RALGAPA1: variants seen among roughly 807,000 people sequenced by gnomAD.
The protein encoded by RALGAPA1 is Ral GTPase activating protein catalytic subunit alpha 1.
In RALGAPA1, 52 loss-of-function variants were observed where a neutral mutation model predicts 269.6. The ratio of observed to expected loss-of-function variants is 0.19; its 90% CI spans 0.15 to 0.24. RALGAPA1 has a LOEUF of 0.24. Among genes scored for constraint, RALGAPA1 ranks in the 10% least tolerant of loss-of-function variants. The pLI, the probability that RALGAPA1 is intolerant of heterozygous loss-of-function variation, is 1.00. For synonymous variants in RALGAPA1, 817 were observed against 1,008.3 expected, an observed-to-expected ratio of 0.81 and a Z score of 3.60; for missense variants, 1,917 against 3,013.9, an observed-to-expected ratio of 0.64 and a Z score of 8.52.
intron 35 of RALGAPA1, among the ~76,000 whole-genome samples, chr14:35,617,553 G>A (rs1170809403): frequency 6.7e-6 from 1 of 148,768 alleles, no homozygotes; most frequent in African/African-American, 2.5e-5. Flanking sequence ...CGAAGGCGGA[G>A]GTTGCAGTGA....
intron 16 of RALGAPA1, among the ~76,000 whole-genome samples, chr14:35,718,618 C>T (rs2069071420): frequency 6.6e-6 from 1 of 151,998 alleles, no homozygotes; most frequent in African/African-American, 2.4e-5. Flanking sequence ...GAGTTCGACA[C>T]CAGCCTGGCC....
intron 26 of RALGAPA1, among the ~76,000 whole-genome samples, chr14:35,667,577 G>T (rs2064050175): frequency 6.6e-6 from 1 of 152,032 alleles, no homozygotes; most frequent in Non-Finnish European, 1.5e-5. Flanking sequence ...GTAGGTCCAG[G>T]ATGGGGTCTG....
At chr14:35,760,151 G>A (rs960132018) in intron 6 of RALGAPA1, among the ~76,000 whole-genome samples, 1 of 152,118 alleles carries the variant, frequency 6.6e-6, no homozygotes, top group African/African-American at 2.4e-5. Context: ...GATACAAGGT[G>A]ATATGTAATA....
At chr14:35,745,051 T>C (rs1169550506) in intron 10 of RALGAPA1, among the ~76,000 whole-genome samples, 2 of 152,226 alleles carry the variant, frequency 1.3e-5, no homozygotes, top group East Asian at 1.9e-4. Flanking sequence ...GAGACCTATG[T>C]CCTTGCAGGT....
At chr14:35,758,094 A>G (rs1328410451) in intron 6 of RALGAPA1, among the ~76,000 whole-genome samples, 1 of 152,050 alleles carries the variant, frequency 6.6e-6, no homozygotes, top group African/African-American at 2.4e-5. Flanking sequence ...TACTAAAAAT[A>G]CAAAAAATTT....
At chr14:35,605,076 G>A (rs541091139) in intron 36 of RALGAPA1, among the ~76,000 whole-genome samples, 3 of 152,212 alleles carry the variant, frequency 2.0e-5, no homozygotes, top group Non-Finnish European at 4.4e-5. Context: ...CACTAGAACT[G>A]TCTATTTTGT....
intron 16 of RALGAPA1, among the ~76,000 whole-genome samples, chr14:35,705,434 T>C (rs1267694836): frequency 2.6e-5 from 4 of 152,154 alleles, no homozygotes; most frequent in Non-Finnish European, 4.4e-5. Context: ...TCATACAGTA[T>C]GTAGCCTTTT....
Position 35,627,269 on chromosome 14 carries a change from A to T in RALGAPA1, c.6678T>A (p.Asp2226Glu). ...PVCISEKQEN[D>E]VINAILKQHT... The stretch of plus-strand genomic sequence containing the variant: ...GTTGCTTAAGGATAGCATTAATAAC[A>T]TCATTTTCTTGTTTTTCAGAAATGC... Residue 2226 changes from aspartate (D) to glutamate (E), a missense_variant, in exon 34 of 42, where the codon GAT (aspartate) becomes GAA (glutamate). Asp to Glu is a conservative substitution (Grantham distance 45, BLOSUM62 2). Coordinates refer to ENST00000680220, the MANE Select transcript of RALGAPA1 (RefSeq NM_001346249.2). 2 of 1,609,458 alleles carry T rather than the reference A, an allele frequency of 1.2e-6. No individual in the cohort carries two copies. The highest frequency in any genetic ancestry group is 1.7e-6 in the Non-Finnish European group (2 of 1,178,962).
chr14:35,540,076 C>T (rs1021034317), intron 41 of RALGAPA1, among the ~76,000 whole-genome samples: 1 of 152,006 alleles, frequency 6.6e-6, no homozygotes, highest in Non-Finnish European at 1.5e-5. Context: ...AAGAAAAGAG[C>T]CTTCACTACT....
intron 8 of RALGAPA1, 49 bp downstream of exon 8, chr14:35,751,975 T>C (rs745928164): frequency 5.2e-6 from 8 of 1,542,530 alleles, no homozygotes; most frequent in Non-Finnish European, 1.7e-6. Context: ...AGTAAGAGAT[T>C]ATTTTACTCT....
chr14:35,642,740 G>A (rs894606754), intron 31 of RALGAPA1, among the ~76,000 whole-genome samples: 4 of 152,154 alleles, frequency 2.6e-5, no homozygotes, highest in Non-Finnish European at 4.4e-5. Context: ...TGGTTGGAGT[G>A]TAAACTAGTT....
At chr14:35,564,896 A>C (rs1161270433) in intron 39 of RALGAPA1, among the ~76,000 whole-genome samples, 1 of 152,080 alleles carries the variant, frequency 6.6e-6, no homozygotes, top group Non-Finnish European at 1.5e-5. Flanking sequence ...CTCCAAAGTA[A>C]TTTCTTCACC....
chr14:35,788,809 C>G (rs2075971487), intron 1 of RALGAPA1, among the ~76,000 whole-genome samples: 1 of 152,140 alleles, frequency 6.6e-6, no homozygotes, highest in South Asian at 2.1e-4. Flanking sequence ...AACCAAATTT[C>G]TTTGCACCAA....
At chr14:35,677,150 C>T (rs1199260678) in intron 22 of RALGAPA1, 2 of 152,250 alleles carry the variant, frequency 1.3e-5, no homozygotes, top group Non-Finnish European at 2.9e-5. Context: ...GCCTGGGCAA[C>T]ATGGTGAAAC....
chr14:35,711,936 T>C (rs2068382245), intron 16 of RALGAPA1, among the ~76,000 whole-genome samples: 1 of 152,168 alleles, frequency 6.6e-6, no homozygotes, highest in South Asian at 2.1e-4. Flanking sequence ...AACAAATCAT[T>C]AGCTGTTAGA....
intron 1 of RALGAPA1, among the ~76,000 whole-genome samples, chr14:35,794,902 CAGAA>C (rs2076450715): frequency 6.6e-6 from 1 of 152,092 alleles, no homozygotes; most frequent in South Asian, 2.1e-4. Context: ...ATTCAGATTA[CAGAA>C]AGACATTTTT....
Position 35,570,588 on chromosome 14 carries a change from T to A in RALGAPA1, c.7496+29A>T, listed in dbSNP as rs779987538. 4 of 1,569,068 alleles carry A rather than the reference T, an allele frequency of 2.5e-6. No homozygotes were observed. The East Asian group carries it at 6.8e-5, about 27-fold the overall frequency. Reference sequence around the variant, plus strand: ...CTTTGTGAGTAGACATACGTTAGAGTAGAAACCATTACATTAAAAAAAGGA... The same window carrying A: ...CTTTGTGAGTAGACATACGTTAGAGAAGAAACCATTACATTAAAAAAAGGA... On this transcript the variant is annotated intron_variant, in intron 39 of 41. Coordinates refer to ENST00000680220, the MANE Select transcript of RALGAPA1 (RefSeq NM_001346249.2).
chr14:35,728,735 CT>C (rs755979931), intron 12 of RALGAPA1, among the ~76,000 whole-genome samples: 244 of 141,306 alleles, frequency 1.7e-3, no homozygotes, highest in Non-Finnish European at 1.7e-3. Flanking sequence ...GTATTTCTTT[CT>C]TTTTTTTTTT....
chr14:35,756,959 A>G, intron 6 of RALGAPA1, 51 bp from the exon 7 acceptor site: 2 of 1,428,722 alleles, frequency 1.4e-6, no homozygotes, highest in Non-Finnish European at 1.9e-6. Flanking sequence ...ATTTAATAAA[A>G]CAATAATATA....
Sources: allele counts gnomAD v4.1 joint callset (sites outside exome capture counted in the v4.1 genomes callset), GRCh38; gene constraint gnomAD v4.1.1; transcripts MANE v1.5; gene names NCBI Gene and HGNC (gene_info 2026-07-23, HGNC 2026-07-21).